Variants in SVIL observed in about 807,000 individuals in gnomAD.
SVIL encodes the protein supervillin.
Under a neutral mutation model 240.4 loss-of-function variants are expected in SVIL, and 101 were observed. That is an observed-to-expected ratio of 0.42 (90% confidence interval 0.36 to 0.50). The LOEUF (loss-of-function observed/expected upper bound fraction) is 0.50. Among genes scored for constraint, SVIL ranks in the 20% least tolerant of loss-of-function variants. The probability of loss-of-function intolerance (pLI) is 0.01; values close to 1 mark genes in which losing one functional copy is unlikely to be tolerated. For synonymous variants in SVIL, 999 were observed against 1,100.0 expected (o/e 0.91, Z 1.82); for missense variants, 2,512 against 2,818.7 (o/e 0.89, Z 2.46).
chr10:29,529,175 C>CAGAAAAAAAA (rs1491188568), intron 12 of SVIL, among the ~76,000 whole-genome samples: 6 of 66,058 alleles, frequency 9.1e-5, no homozygotes, highest in African/African-American at 2.3e-4. Context: ...GACTCTCTCT[C>CAGAAAAAAAA]AAAAAAAAAA....
chr10:29,669,469 C>G (rs916752629), intron 2 of SVIL, among the ~76,000 whole-genome samples: 1 of 152,144 alleles, frequency 6.6e-6, no homozygotes, highest in African/African-American at 2.4e-5. Context: ...TTTCTAGAAG[C>G]CCCAGTTGGA....
intron 1 of SVIL, among the ~76,000 whole-genome samples, chr10:29,584,301 C>A (rs374058707): frequency 6.6e-6 from 1 of 152,216 alleles, no homozygotes; most frequent in African/African-American, 2.4e-5. Flanking sequence ...GAGAATGGCC[C>A]TGTATGGCAG....
At chr10:29,541,019 C>T (rs972823492) in intron 6 of SVIL, among the ~76,000 whole-genome samples, 1 of 152,168 alleles carries the variant, frequency 6.6e-6, no homozygotes, top group Non-Finnish European at 1.5e-5. Flanking sequence ...GCCCACAGGG[C>T]ATTGTTTTGG....
chr10:29,579,850 A>G (rs1955862223), intron 1 of SVIL, among the ~76,000 whole-genome samples: 1 of 152,100 alleles, frequency 6.6e-6, no homozygotes, highest in African/African-American at 2.4e-5. Context: ...AGGGCCGAAC[A>G]GGATGGTGCC....
chr10:29,612,904 G>A (rs1044972626), intron 1 of SVIL, among the ~76,000 whole-genome samples: 10 of 152,134 alleles, frequency 6.6e-5, no homozygotes, highest in Admixed American at 1.3e-4. Context: ...GAGGCTGGGC[G>A]TGGTGGTTCA....
At chr10:29,616,817 A>G (rs1014556830) in intron 1 of SVIL, among the ~76,000 whole-genome samples, 11 of 152,220 alleles carry the variant, frequency 7.2e-5, no homozygotes, top group African/African-American at 2.6e-4. Flanking sequence ...CTGCCTCCCA[A>G]GTTCAAGTAG....
At chr10:29,596,932 C>A (rs996952125) in intron 1 of SVIL, among the ~76,000 whole-genome samples, 3 of 152,190 alleles carry the variant, frequency 2.0e-5, no homozygotes, top group African/African-American at 7.2e-5. Context: ...TCCATTGCTA[C>A]GATGAGGAGA....
rs1952543307 is a variant in SVIL at position 29,545,169 on chromosome 10, T to G, written c.827+5428A>C. Reference sequence around the variant, plus strand: ...GAGAGCTTGAGGCTCTGGAGACGGTTTTTAGACTAAAATCTCTCATCAGGA... The same window carrying G: ...GAGAGCTTGAGGCTCTGGAGACGGTGTTTAGACTAAAATCTCTCATCAGGA... On this transcript the variant is annotated intron_variant, in intron 6 of 37. Transcript: ENST00000355867. 8 of 509,508 alleles carry G rather than the reference T, an allele frequency of 1.6e-5. No individual in the cohort carries two copies. The Admixed American group carries it at 1.6e-4, about 10-fold the overall frequency. 31.6% of individuals were successfully genotyped at this position (509,508 alleles called of 1,614,324 possible). A position where few individuals can be genotyped will look rare whatever the true frequency, so the allele number is the denominator to read the frequency against.
intron 17 of SVIL, among the ~76,000 whole-genome samples, chr10:29,510,698 ACTGT>A (rs1242016581): frequency 6.6e-6 from 1 of 151,584 alleles, no homozygotes; most frequent in South Asian, 2.1e-4. Flanking sequence ...ACGTGTCATG[ACTGT>A]CTGTCCTTCT....
intron 36 of SVIL, 150 bp downstream of exon 36, chr10:29,462,127 G>A: frequency 9.6e-7 from 1 of 1,045,188 alleles, no homozygotes; most frequent in South Asian, 1.9e-5. Flanking sequence ...TTCTTCCTAA[G>A]CAAATTCTAT....
At chr10:29,579,371 G>A (rs1336430625) in intron 1 of SVIL, among the ~76,000 whole-genome samples, 2 of 152,132 alleles carry the variant, frequency 1.3e-5, no homozygotes. Context: ...CCCAGAGGTG[G>A]AGGTTGCAGT....
chr10:29,494,877 A>G, intron 20 of SVIL, 37 bp downstream of exon 20: 1 of 1,590,210 alleles, frequency 6.3e-7, no homozygotes, highest in Non-Finnish European at 8.6e-7. Flanking sequence ...GGATTTAGAG[A>G]TTCTGAGAGC....
chr10:29,563,757 A>G (rs914487809), intron 2 of SVIL, among the ~76,000 whole-genome samples: 1 of 152,226 alleles, frequency 6.6e-6, no homozygotes, highest in Non-Finnish European at 1.5e-5. Flanking sequence ...AAGGCATCAA[A>G]GCATGGTCAA....
intron 1 of SVIL, among the ~76,000 whole-genome samples, chr10:29,632,468 G>A (rs1958135290): frequency 6.8e-6 from 1 of 148,048 alleles, no homozygotes; most frequent in East Asian, 2.0e-4. Context: ...TCCAGCCTGG[G>A]CAACAGAGCA....
At chr10:29,616,659 C>A (rs866099227) in intron 1 of SVIL, among the ~76,000 whole-genome samples, 3 of 152,194 alleles carry the variant, frequency 2.0e-5, no homozygotes, top group African/African-American at 7.2e-5. Context: ...GCCTAAAAGC[C>A]AGGCATAAAC....
At chr10:29,492,861 AAGAC>A (rs1458747001) in intron 21 of SVIL, among the ~76,000 whole-genome samples, 2 of 152,218 alleles carry the variant, frequency 1.3e-5, no homozygotes, top group Non-Finnish European at 2.9e-5. Flanking sequence ...TGTCAAATGA[AAGAC>A]AGGCGTTGAA....
chr10:29,619,190 G>A (rs1206317108), intron 1 of SVIL, among the ~76,000 whole-genome samples: 3 of 152,148 alleles, frequency 2.0e-5, no homozygotes, highest in Non-Finnish European at 2.9e-5. Flanking sequence ...AGTCATCCAC[G>A]TTTACATTTT....
rs1944532060 is a variant in SVIL at position 29,463,616 on chromosome 10, A to G, written c.6153T>C (p.Asn2051=). ...APQPALFLVD[N]HHEVYLWQGW... is the part of the protein sequence containing the mutation. ...CTTGCCAGAGGTACACCTCGTGGTG[A>G]TTGTCAACAAGGAAAAGTGCTGTGA... The change falls in exon 35 of 38, where the codon AAT becomes AAC. Residue 2051 remains asparagine, a synonymous_variant. Coordinates refer to ENST00000355867, the MANE Select transcript of SVIL (RefSeq NM_021738.3). The G allele has an allele frequency of 3.1e-6, 5 of 1,613,930 alleles. No homozygotes were observed. The African/African-American group carries it at 5.3e-5, about 17-fold the overall frequency.
chr10:29,661,600 T>G (rs1290190941), intron 2 of SVIL, among the ~76,000 whole-genome samples: 1 of 152,154 alleles, frequency 6.6e-6, no homozygotes, highest in Non-Finnish European at 1.5e-5. Flanking sequence ...GTTACTGACT[T>G]TCACCAGGTT....
Sources: allele counts gnomAD v4.1 joint callset (sites outside exome capture counted in the v4.1 genomes callset), GRCh38; gene constraint gnomAD v4.1.1; transcripts MANE v1.5; gene names NCBI Gene and HGNC (gene_info 2026-07-23, HGNC 2026-07-21).